SRGAP1: variants seen among roughly 807,000 people sequenced by gnomAD.
SRGAP1 encodes the protein SLIT-ROBO Rho GTPase-activating protein 1.
SRGAP1 carries 43 observed loss-of-function variants against 121.9 expected under a neutral mutation model. The observed-to-expected ratio is 0.35, with a 90% confidence interval of 0.28 to 0.46. The LOEUF (loss-of-function observed/expected upper bound fraction) is 0.46, where lower values mean the gene tolerates loss of function less well. SRGAP1 is among the 20% of genes least tolerant of loss of function. The probability of loss-of-function intolerance (pLI) is 1.00; values close to 1 mark genes in which losing one functional copy is unlikely to be tolerated. For missense variants in SRGAP1, 1,102 were observed against 1,350.9 expected, an observed-to-expected ratio of 0.82 and a Z score of 2.89; for synonymous variants, 447 against 485.4, an observed-to-expected ratio of 0.92 and a Z score of 1.04.
At chr12:63,946,901 C>T (rs2032067858) in intron 1 of SRGAP1, among the ~76,000 whole-genome samples, 1 of 152,010 alleles carries the variant, frequency 6.6e-6, no homozygotes, top group African/African-American at 2.4e-5. Context: ...ACTATTTTTT[C>T]AGGGGGACAG....
At chr12:63,947,484 G>A (rs1585077) in intron 1 of SRGAP1, among the ~76,000 whole-genome samples, 1,650 of 152,284 alleles carry the variant, frequency 0.011, 18 homozygotes, top group Middle Eastern at 0.024. Context: ...GGTTTATGGT[G>A]TTACGAAATG....
chr12:63,854,840 C>A (rs1273135478), intron 1 of SRGAP1, among the ~76,000 whole-genome samples: 1 of 152,022 alleles, frequency 6.6e-6, no homozygotes, highest in African/African-American at 2.4e-5. Context: ...GTAGGTGTCT[C>A]CTGATGTATA....
At chr12:63,847,311 A>AG (rs1220690900) in intron 1 of SRGAP1, among the ~76,000 whole-genome samples, 1 of 152,158 alleles carries the variant, frequency 6.6e-6, no homozygotes, top group African/African-American at 2.4e-5. Context: ...TGACAGAGTG[A>AG]GACTCTGTCT....
At chr12:63,944,835 G>A (rs1053645365) in intron 1 of SRGAP1, among the ~76,000 whole-genome samples, 3 of 152,146 alleles carry the variant, frequency 2.0e-5, no homozygotes, top group African/African-American at 7.2e-5. Context: ...AGGAACCCAG[G>A]TGCATGCTGC....
At chr12:64,075,521 A>T (rs1386318940) in intron 8 of SRGAP1, among the ~76,000 whole-genome samples, 2 of 152,214 alleles carry the variant, frequency 1.3e-5, no homozygotes, top group Non-Finnish European at 2.9e-5. Flanking sequence ...TGTTCCCAAC[A>T]GAGTCATCAA....
At chr12:64,138,446 C>CTT (rs60769104) in intron 21 of SRGAP1, among the ~76,000 whole-genome samples, 1,004 of 78,786 alleles carry the variant, frequency 0.013, 7 homozygotes, top group African/African-American at 0.023. Context: ...AATAAATTGA[C>CTT]TTTTTTTTTT....
intron 4 of SRGAP1, among the ~76,000 whole-genome samples, chr12:64,040,936 C>T (rs977068725): frequency 6.6e-6 from 1 of 152,096 alleles, no homozygotes; most frequent in African/African-American, 2.4e-5. Flanking sequence ...AAATATGACA[C>T]AATTTTGTAC....
At position 64,028,698 on chromosome 12, in the gene SRGAP1, C is replaced by A. The variant is rs140013645; in HGVS notation, c.489+11686C>A. On this transcript the variant is annotated intron_variant, in intron 4 of 21. Coordinates refer to ENST00000355086, the MANE Select transcript of SRGAP1 (RefSeq NM_020762.4). ...TTGAAGGAACAAGAGGTCTCTCTCA[C>A]GCCTCTTTTGTAAGTGTACTGGTTG... Among the ~76,000 whole-genome samples, 3 of 152,296 alleles carry A rather than the reference C, an allele frequency of 2.0e-5. No individual in the cohort carries two copies. The East Asian group carries it at 5.8e-4, about 29-fold the overall frequency.
At chr12:63,913,085 T>C (rs961967922) in intron 1 of SRGAP1, among the ~76,000 whole-genome samples, 1 of 152,156 alleles carries the variant, frequency 6.6e-6, no homozygotes, top group Non-Finnish European at 1.5e-5. Context: ...TCCCTCATTA[T>C]GCAATGACAT....
At chr12:64,025,904 A>G (rs145662015) in intron 4 of SRGAP1, among the ~76,000 whole-genome samples, 28 of 152,330 alleles carry the variant, frequency 1.8e-4, no homozygotes, top group Middle Eastern at 3.4e-3. Flanking sequence ...AAAATGACCA[A>G]TTCAAGGATC....
At chr12:63,899,281 C>CAGAG (rs1008465119) in intron 1 of SRGAP1, among the ~76,000 whole-genome samples, 3 of 151,710 alleles carry the variant, frequency 2.0e-5, no homozygotes, top group African/African-American at 7.3e-5. Flanking sequence ...ACTCCAAAGG[C>CAGAG]AGAGGTAGGA....
chr12:63,881,125 T>C (rs935489015), intron 1 of SRGAP1, among the ~76,000 whole-genome samples: 2 of 152,208 alleles, frequency 1.3e-5, no homozygotes, highest in Non-Finnish European at 2.9e-5. Context: ...TTACTGTAGT[T>C]GAAATTCAAT....
chr12:64,094,456 G>A lies in SRGAP1; in HGVS notation c.1540-476G>A, dbSNP rs139835499. ...GTAAATACATGTTTTAATTATCTCT[G>A]TAACAATTCTCATATTATGCATCTA... On this transcript the variant is annotated intron_variant, in intron 12 of 21. Transcript: ENST00000355086. Among the ~76,000 whole-genome samples, 52 of 152,214 alleles carry A rather than the reference G, an allele frequency of 3.4e-4. No individual in the cohort carries two copies. In the East Asian group the frequency reaches 9.1e-3, roughly 27 times the overall value.
intron 1 of SRGAP1, among the ~76,000 whole-genome samples, chr12:63,862,578 G>A (rs2136268279): frequency 6.6e-6 from 1 of 152,316 alleles, no homozygotes; most frequent in East Asian, 1.9e-4. Context: ...CTTATCTTAA[G>A]TCAGACCTTT....
At position 64,159,139 on chromosome 12, in the gene SRGAP1, C is replaced by CTGGTCTTG. The variant is rs1339063682; in HGVS notation, c.*16467_*16468insTGGTCTTG. 4.6e-5 allele frequency: 7 copies of CTGGTCTTG among 152,316 alleles called. No individual in the cohort carries two copies. Among genetic ancestry groups the CTGGTCTTG allele is most frequent in the African/African-American group, 1.7e-4 (7 of 41,330 alleles). The allele number at this position is 152,316 out of a possible 1,614,324, so 9.4% of individuals were successfully genotyped here. A position where few individuals can be genotyped will look rare whatever the true frequency, so the allele number is the denominator to read the frequency against. ...TTCAAGACCAGCCTGGGCAACATAGCAAGACCCCATCCCTACAAAACAGTT... is the reference window on the plus strand; with the variant it reads ...TTCAAGACCAGCCTGGGCAACATAGCTGGTCTTGAAGACCCCATCCCTACAAAACAGTT... On this transcript the variant is annotated 3_prime_UTR_variant, in exon 22 of 22. Transcript: ENST00000355086.
chr12:64,091,296 A>T lies in SRGAP1; in HGVS notation c.1457A>T (p.Lys486Met). ...MTTRPPNVPP[K>M]PQKHRKSRPR... ...CTTAGGCCTCCAAATGTTCCCCCTAAGCCCCAGAAACACAGGAAGTCCAGG... is the reference window on the plus strand; with the variant it reads ...CTTAGGCCTCCAAATGTTCCCCCTATGCCCCAGAAACACAGGAAGTCCAGG... Residue 486 changes from lysine to methionine, a missense_variant, in exon 12 of 22, where the codon AAG (lysine) becomes ATG (methionine). Lys to Met is a moderately conservative substitution (Grantham distance 95). Coordinates refer to ENST00000355086, the MANE Select transcript of SRGAP1 (RefSeq NM_020762.4). 1 of 1,608,736 alleles carries T rather than the reference A, an allele frequency of 6.2e-7. No homozygotes were observed. The highest frequency in any genetic ancestry group is 8.5e-7 in the Non-Finnish European group (1 of 1,176,926).
intron 2 of SRGAP1, among the ~76,000 whole-genome samples, chr12:63,986,124 C>T (rs2033406434): frequency 6.6e-6 from 1 of 151,302 alleles, no homozygotes; most frequent in Non-Finnish European, 1.5e-5. Flanking sequence ...CTTTTTTCTT[C>T]CTCTCCCTTT....
chr12:64,101,107 A>T (rs1447549292), intron 15 of SRGAP1, among the ~76,000 whole-genome samples: 2 of 152,022 alleles, frequency 1.3e-5, no homozygotes, highest in African/African-American at 2.4e-5. Context: ...GGAAAGAGAG[A>T]TCTGAGTGAT....
chr12:64,017,099 A>C, intron 4 of SRGAP1, 87 bp downstream of exon 4: 1 of 755,974 alleles, frequency 1.3e-6, no homozygotes, highest in Non-Finnish European at 2.2e-6. Context: ...TATTCATTCC[A>C]AGCCAGAGTG....
Sources: allele counts gnomAD v4.1 joint callset (sites outside exome capture counted in the v4.1 genomes callset), GRCh38; gene constraint gnomAD v4.1.1; transcripts MANE v1.5; gene names NCBI Gene and HGNC (gene_info 2026-07-23, HGNC 2026-07-21).